Variants in PPRC1 observed in about 807,000 individuals in gnomAD.
PPRC1 encodes the protein PPARG related coactivator 1.
Under a neutral mutation model 132.5 loss-of-function variants are expected in PPRC1, and 23 were observed. The observed-to-expected ratio is 0.17, with a 90% CI of 0.12 to 0.25. The LOEUF is 0.25. Ranked by LOEUF, PPRC1 falls within the 10% of genes least tolerant of loss-of-function variation. PPRC1 has a pLI of 1.00. For synonymous variants in PPRC1, 872 were observed against 833.5 expected, an observed-to-expected ratio of 1.05 and a Z score of -0.80; for missense variants, 2,006 against 2,089.1, an observed-to-expected ratio of 0.96 and a Z score of 0.78.
chr10:102,145,073 A>G lies in PPRC1; in HGVS notation c.3662A>G (p.Glu1221Gly). ...CCCCTAGACCGGTTACAAGCCCCAG[A>G]ACTGGCCAACGTGGCAGGTGGGTTC... ...KRPLDRLQAPELANVAGLTPP... is the reference protein window; with the variant it reads ...KRPLDRLQAPGLANVAGLTPP... The change falls in exon 8 of 14, where the codon GAA becomes GGA. Residue 1221 changes from glutamate (E) to glycine (G), a missense_variant. Coordinates refer to ENST00000278070, the MANE Select transcript of PPRC1 (RefSeq NM_015062.5). 1.2e-6 allele frequency: 2 copies of G among 1,613,878 alleles called. No individual in the cohort carries two copies. The highest frequency in any genetic ancestry group is 1.7e-6 in the Non-Finnish European group (2 of 1,179,768).
chr10:102,129,121 C>T (rs921018254), upstream of PPRC1, among the ~76,000 whole-genome samples: 4 of 150,610 alleles, frequency 2.7e-5, no homozygotes, highest in Non-Finnish European at 5.9e-5. Context: ...TTAGTAGAGA[C>T]GGGGTTTCAC....
Position 102,148,354 on chromosome 10 carries a change from T to C in PPRC1, c.4401-18T>C. 1 of 1,611,596 alleles carries C rather than the reference T, an allele frequency of 6.2e-7. No individual in the cohort carries two copies. Among genetic ancestry groups the C allele is most frequent in the South Asian group, 1.1e-5 (1 of 90,868 alleles). On this transcript the variant is annotated intron_variant, in intron 9 of 13. Transcript: ENST00000278070. This position sits in a 1 kb window ranked among gnomAD's most constrained non-coding sequence, Gnocchi z 4.2. The stretch of plus-strand genomic sequence containing the variant: ...CTGAACCACTCCCAGCATTCCTGCA[T>C]GCCCTCTTATCCTTCAGGTCCAGCT...
At chr10:102,137,065 G>A (rs965314298) in intron 1 of PPRC1, among the ~76,000 whole-genome samples, 16 of 152,242 alleles carry the variant, frequency 1.1e-4, no homozygotes, top group African/African-American at 3.4e-4. Flanking sequence ...TCGGCCGGGC[G>A]TGGCGGCTCA....
At chr10:102,128,544 G>C (rs1406402548), upstream of PPRC1, among the ~76,000 whole-genome samples, 1 of 151,708 alleles carries the variant, frequency 6.6e-6, no homozygotes, top group Non-Finnish European at 1.5e-5. Context: ...AAAAGAGGGA[G>C]AAAGAGAGAG....
At chr10:102,138,502 G>A (rs1286160793) in intron 2 of PPRC1, 117 bp from the exon 3 acceptor site, 27 of 1,263,336 alleles carry the variant, frequency 2.1e-5, no homozygotes, top group Admixed American at 1.1e-4. Context: ...GATCCTTCTC[G>A]CTGCCCCATT....
chr10:102,147,313 T>A lies in PPRC1; in HGVS notation c.4321T>A (p.Ser1441Thr), dbSNP rs1564957053. 7.4e-6 allele frequency: 12 copies of A among 1,612,526 alleles called. No homozygotes were observed. The highest frequency in any genetic ancestry group is 1.0e-5 in the Non-Finnish European group (12 of 1,180,008). Residue 1441 changes from serine to threonine, a missense_variant, in exon 9 of 14, where the codon TCT becomes ACT. By Grantham distance (58) the Ser-to-Thr change is moderately conservative. This residue lies in a region of PPRC1 where 1,914 missense variants were observed against 1,917.2 expected (regional missense o/e 1.00). Transcript: ENST00000278070. ...TGGGTCCAACCGGACTAGCGAAGCA[T>A]CTTCCTCATCCTCATCATCGTCTTC... The part of the protein sequence containing the change: ...SSGSNRTSEA[S>T]SSSSSSSSSS...
In PPRC1 at chr10:102,142,023, C is replaced by G; in HGVS notation, c.3496+19C>G. 2 of 1,579,668 alleles carry G rather than the reference C, an allele frequency of 1.3e-6. No individual in the cohort carries two copies. Among genetic ancestry groups the G allele is most frequent in the Non-Finnish European group, 1.7e-6 (2 of 1,159,780 alleles). On this transcript the variant is annotated intron_variant, in intron 5 of 13. Coordinates refer to ENST00000278070, the MANE Select transcript of PPRC1 (RefSeq NM_015062.5). The stretch of plus-strand genomic sequence containing the variant: ...GAGATTGGTGAGTGACACACAGTTC[C>G]CCCATGTAGTCCCCAAGTTGGCTGG...
intron 1 of PPRC1, among the ~76,000 whole-genome samples, chr10:102,134,758 T>C (rs541390765): frequency 1.3e-5 from 2 of 152,316 alleles, no homozygotes; most frequent in East Asian, 3.9e-4. Context: ...CCCAGCTCTC[T>C]ATGAACCATT....
upstream of PPRC1, among the ~76,000 whole-genome samples, chr10:102,130,893 A>C (rs1026936035): frequency 1.5e-4 from 23 of 151,600 alleles, no homozygotes; most frequent in Non-Finnish European, 2.7e-4. Context: ...AAGAACCCCC[A>C]AAAAATTAGC....
At position 102,145,082 on chromosome 10, in the gene PPRC1, A is replaced by C. The variant is rs761032678; in HGVS notation, c.3671A>C (p.Asn1224Thr). 3 of 1,613,650 alleles carry C rather than the reference A, an allele frequency of 1.9e-6. No individual in the cohort carries two copies. The highest frequency in any genetic ancestry group is 2.2e-5 in the East Asian group (1 of 44,880). ...CGGTTACAAGCCCCAGAACTGGCCA[A>C]CGTGGCAGGTGGGTTCAGGGTGGGG... ...LDRLQAPELA[N>T]VAGLTPPATP... Residue 1224 changes from asparagine (N) to threonine (T), a missense_variant, in exon 8 of 14, where the codon AAC (asparagine) becomes ACC (threonine). Coordinates refer to ENST00000278070, the MANE Select transcript of PPRC1 (RefSeq NM_015062.5).
chr10:102,144,405 C>A, intron 7 of PPRC1, 98 bp downstream of exon 7: 2 of 1,144,846 alleles, frequency 1.7e-6, no homozygotes, highest in South Asian at 1.3e-5. Flanking sequence ...TGCAGGGACG[C>A]TGTAGTCAGC....
chr10:102,141,897 C>G lies in PPRC1; in HGVS notation c.3389C>G (p.Pro1130Arg). Reference protein sequence around the residue: ...AVPTPRQSTVPKLPAVHPARL... With the variant: ...AVPTPRQSTVRKLPAVHPARL... ...CCCACACCAAGGCAGAGCACTGTCC[C>G]CAAGCTGCCTGCTGTCCACCCAGCC... Residue 1130 changes from proline to arginine, a missense_variant, in exon 5 of 14, where the codon CCC (proline) becomes CGC (arginine). This residue lies in a region of PPRC1 where 1,914 missense variants were observed against 1,917.2 expected (regional missense o/e 1.00). Coordinates refer to ENST00000278070, the MANE Select transcript of PPRC1 (RefSeq NM_015062.5). The G allele has an allele frequency of 6.2e-7, 1 of 1,614,152 alleles. No homozygotes were observed. The highest frequency in any genetic ancestry group is 1.3e-5 in the African/African-American group (1 of 75,048).
At position 102,140,167 on chromosome 10, in the gene PPRC1, C is replaced by G. The variant is rs770947103; in HGVS notation, c.1659C>G (p.Gly553=). 6.2e-7 allele frequency: 1 copy of G among 1,614,086 alleles called. No individual in the cohort carries two copies. ...SAGQSSPAKE[G]PLDLYPKLAD... ...GACAAAGTAGTCCTGCTAAAGAAGG[C>G]CCTCTAGACCTCTACCCAAAGCTGG... The change falls in exon 5 of 14, where the codon GGC becomes GGG. Residue 553 remains glycine (G), a synonymous_variant. Coordinates refer to ENST00000278070, the MANE Select transcript of PPRC1 (RefSeq NM_015062.5).
Position 102,133,054 on chromosome 10 carries a change from T to A in PPRC1, c.-15T>A. On this transcript the variant is annotated 5_prime_UTR_variant, in exon 1 of 14. Transcript: ENST00000278070. The stretch of plus-strand genomic sequence containing the variant: ...CGCCAGCGATCAGAGCAGCGCTGGG[T>A]GTTCAGGGGCCAAGATGGCGGCGCG... 8.1e-7 allele frequency: 1 copy of A among 1,240,602 alleles called. No individual in the cohort carries two copies. 76.8% of individuals were successfully genotyped at this position (1,240,602 alleles called of 1,614,324 possible).
rs1385024170 is a variant in PPRC1 at position 102,148,139 on chromosome 10, G to A, written c.4401-233G>A. Among the ~76,000 whole-genome samples the A allele has an allele frequency of 6.6e-6, 1 of 152,156 alleles. No individual in the cohort carries two copies. Among genetic ancestry groups the A allele is most frequent in the African/African-American group, 2.4e-5 (1 of 41,416 alleles). On this transcript the variant is annotated intron_variant, in intron 9 of 13. Transcript: ENST00000278070. The surrounding 1 kb of genome is among the most constrained non-coding windows in gnomAD (Gnocchi z 4.2). Reference sequence around the variant, plus strand: ...TTTTTCAATTTTTAAGTGCACAATTGAAAATGTGATCTCTTCCAAAACACT... The same window carrying A: ...TTTTTCAATTTTTAAGTGCACAATTAAAAATGTGATCTCTTCCAAAACACT...
chr10:102,149,901 T>C (rs781663961), intron 13 of PPRC1, 25 bp from the exon 14 acceptor site: 27 of 1,555,018 alleles, frequency 1.7e-5, no homozygotes, highest in Non-Finnish European at 2.2e-5. Context: ...GTCAGAGACC[T>C]TGAAGTTTGT....
Position 102,140,554 on chromosome 10 carries a change from C to A in PPRC1, c.2046C>A (p.Asp682Glu), listed in dbSNP as rs748225084. 12 of 1,613,980 alleles carry A rather than the reference C, an allele frequency of 7.4e-6. No homozygotes were observed. The highest frequency in any genetic ancestry group is 8.5e-7 in the Non-Finnish European group (1 of 1,180,020). Reference sequence around the variant, plus strand: ...TTCCTAATGACCTGACTCCAGTTGACCCAGTGCTAGTTAAGTCCAGACCAA... The same window carrying A: ...TTCCTAATGACCTGACTCCAGTTGAACCAGTGCTAGTTAAGTCCAGACCAA... ...DPVPNDLTPV[D>E]PVLVKSRPTD... Residue 682 changes from aspartate (D) to glutamate (E), a missense_variant, in exon 5 of 14, where the codon GAC becomes GAA. Asp to Glu is a conservative substitution (Grantham distance 45). This residue lies in a region of PPRC1 where 1,914 missense variants were observed against 1,917.2 expected (regional missense o/e 1.00). Transcript: ENST00000278070.
In PPRC1 at chr10:102,148,497, G is replaced by A. The variant is rs779767512; in HGVS notation, c.4526G>A (p.Arg1509His). 5.5e-5 allele frequency: 89 copies of A among 1,613,320 alleles called. No individual in the cohort carries two copies. In the East Asian group the frequency reaches 1.3e-3, roughly 23 times the overall value. The change falls in exon 10 of 14, where the codon CGC (arginine) becomes CAC (histidine). Residue 1509 changes from arginine (R) to histidine (H), a missense_variant. Physicochemically the swap from Arg to His is conservative, Grantham distance 29. This residue lies in a region of PPRC1 where 1,914 missense variants were observed against 1,917.2 expected (regional missense o/e 1.00). Coordinates refer to ENST00000278070, the MANE Select transcript of PPRC1 (RefSeq NM_015062.5). The surrounding 1 kb of genome is among the most constrained non-coding windows in gnomAD (Gnocchi z 4.2). ...SRSRSRSPSPRRRSDRRRRYS... is the reference protein window; with the variant it reads ...SRSRSRSPSPHRRSDRRRRYS... ...AGCCGCTCACGATCCCCATCCCCCC[G>A]CCGGAGAAGTGACAGGAGGCGGCGG... is the stretch of plus-strand genomic sequence containing the variant.
the PPRC1 span, among the ~76,000 whole-genome samples, chr10:102,123,113 A>G: frequency 6.6e-6 from 1 of 152,186 alleles, no homozygotes; most frequent in African/African-American, 2.4e-5. Context: ...AGGAAATACC[A>G]TCTCAGTACT....
Sources: allele counts gnomAD v4.1 joint callset (sites outside exome capture counted in the v4.1 genomes callset), GRCh38; gene constraint gnomAD v4.1.1; regional missense constraint gnomAD v4.1.1; non-coding constraint Gnocchi (gnomAD v3.1); transcripts MANE v1.5; gene names NCBI Gene and HGNC (gene_info 2026-07-23, HGNC 2026-07-21).